The following HEATR5A variants were observed in gnomAD, a reference collection of about 807,000 sequenced individuals.
The protein encoded by HEATR5A is HEAT repeat-containing protein 5A.
In HEATR5A, 178 loss-of-function variants were observed where a neutral mutation model predicts 218.8. The observed-to-expected ratio is 0.81, with a 90% CI of 0.72 to 0.92. HEATR5A has a LOEUF of 0.92. HEATR5A is among the 40% of genes least tolerant of loss of function. The pLI, the probability that HEATR5A is intolerant of heterozygous loss-of-function variation, is 0.00. For missense variants in HEATR5A, 2,420 were observed against 2,418.9 expected (o/e 1.00, Z -0.01); for synonymous variants, 864 against 871.6 (o/e 0.99, Z 0.15).
Position 31,409,289 on chromosome 14 carries a change from C to T in HEATR5A, c.-74-6240G>A, listed in dbSNP as rs370572468. ...TCTTGAACTCCTGACCTCAGGTGAT[C>T]CAACCGCCTCGGCATCCCAAAGTGC... On this transcript the variant is annotated intron_variant, in intron 1 of 35. Coordinates refer to ENST00000543095, the MANE Select transcript of HEATR5A (RefSeq NM_015473.4). Among the ~76,000 whole-genome samples the T allele has an allele frequency of 4.6e-5, 7 of 150,842 alleles. No individual in the cohort carries two copies. In the East Asian group the frequency reaches 8.4e-4, roughly 18 times the overall value.
At chr14:31,412,483 C>T (rs1179530376) in intron 1 of HEATR5A, among the ~76,000 whole-genome samples, 6 of 146,528 alleles carry the variant, frequency 4.1e-5, no homozygotes, top group Non-Finnish European at 8.9e-5. Flanking sequence ...GTCCCAGCTA[C>T]TCGGGAGCCT....
At chr14:31,309,261 C>A in intron 28 of HEATR5A, 79 bp from the exon 29 acceptor site, 1 of 1,482,136 alleles carries the variant, frequency 6.7e-7, no homozygotes, top group South Asian at 1.3e-5. Context: ...AGATATAGAC[C>A]ATTTCCATCA....
intron 29 of HEATR5A, 137 bp downstream of exon 29, chr14:31,308,797 A>G (rs1899639082): frequency 4.7e-6 from 3 of 641,366 alleles, no homozygotes. Flanking sequence ...TTTTATTTTC[A>G]GTTGACAATA....
chr14:31,297,342 T>C (rs1246790245), intron 33 of HEATR5A: 1 of 152,150 alleles, frequency 6.6e-6, no homozygotes, highest in Non-Finnish European at 1.5e-5. Flanking sequence ...CAGTGGTGTG[T>C]GTCTATAGTC....
At chr14:31,341,573 A>AT (rs1900841093) in intron 21 of HEATR5A, among the ~76,000 whole-genome samples, 1 of 151,904 alleles carries the variant, frequency 6.6e-6, no homozygotes, top group Non-Finnish European at 1.5e-5. Context: ...TTTTCTTAAA[A>AT]TTTTTTGTAG....
At chr14:31,369,699 G>T (rs933144652) in intron 13 of HEATR5A, among the ~76,000 whole-genome samples, 1 of 150,108 alleles carries the variant, frequency 6.7e-6, no homozygotes, top group African/African-American at 2.5e-5. Context: ...AGGCCGAGGT[G>T]GGTTTATCAC....
intron 10 of HEATR5A, among the ~76,000 whole-genome samples, chr14:31,380,935 A>G (rs2029953102): frequency 6.6e-6 from 1 of 152,184 alleles, no homozygotes; most frequent in East Asian, 1.9e-4. Flanking sequence ...AAGTTTTCTT[A>G]CAGGAGTCTC....
At position 31,336,150 on chromosome 14, in the gene HEATR5A, A is replaced by G. The variant is rs185475549; in HGVS notation, c.3367+1326T>C. Among the ~76,000 whole-genome samples the G allele has an allele frequency of 5.0e-3, 728 of 146,806 alleles. 5 individuals are homozygous for G. Among genetic ancestry groups the G allele is most frequent in the Middle Eastern group, 7.2e-3 (2 of 278 alleles). On this transcript the variant is annotated intron_variant, in intron 22 of 35. Transcript: ENST00000543095. Reference sequence around the variant, plus strand: ...TGTACCATGACACCTGGCTAATTTTAAAATTTTTTGTAGAGATGGGGTCAT... The same window carrying G: ...TGTACCATGACACCTGGCTAATTTTGAAATTTTTTGTAGAGATGGGGTCAT...
At chr14:31,372,554 C>T (rs371738266) in intron 12 of HEATR5A, among the ~76,000 whole-genome samples, 29 of 152,170 alleles carry the variant, frequency 1.9e-4, no homozygotes, top group African/African-American at 6.0e-4. Context: ...CTGGGCCAGG[C>T]GCAGTGGCTC....
intron 1 of HEATR5A, among the ~76,000 whole-genome samples, chr14:31,419,255 T>C (rs554876269): frequency 1.3e-5 from 2 of 152,216 alleles, no homozygotes; most frequent in Admixed American, 1.3e-4. Flanking sequence ...ATTCTTATAT[T>C]ATAAATCCTG....
Position 31,294,041 on chromosome 14 carries a change from AG to A in HEATR5A, c.5682del (p.Tyr1895ThrfsTer7). 6.2e-7 allele frequency: 1 copy of A among 1,604,188 alleles called. No individual in the cohort carries two copies. The highest frequency in any genetic ancestry group is 8.5e-7 in the Non-Finnish European group (1 of 1,175,050). On this transcript the variant is annotated frameshift_variant, in exon 35 of 36. Transcript: ENST00000543095. LOFTEE classifies it high-confidence loss of function. ...SIFQYPNPAV[S>X]YPYIYSLASC... ...GATGCTAAAGAGTAAATGTATGGGT[AG>A]GAAACAGCTGGATTTGGATACTGAA...
At chr14:31,327,286 C>CTTTTTTTTTTT (rs71951930) in intron 22 of HEATR5A, among the ~76,000 whole-genome samples, 1 of 45,158 alleles carries the variant, frequency 2.2e-5, no homozygotes, top group Admixed American at 3.7e-4. Context: ...TCCAGTGGCA[C>CTTTTTTTTTTT]TTTTTTTTTT....
At chr14:31,341,981 A>G (rs1305866257) in intron 21 of HEATR5A, among the ~76,000 whole-genome samples, 2 of 152,216 alleles carry the variant, frequency 1.3e-5, no homozygotes, top group Admixed American at 1.3e-4. Flanking sequence ...TGAATGGTAC[A>G]GGTAAAATCC....
chr14:31,336,571 A>G lies in HEATR5A; in HGVS notation c.3367+905T>C, dbSNP rs527322452. On this transcript the variant is annotated intron_variant, in intron 22 of 35. Coordinates refer to ENST00000543095, the MANE Select transcript of HEATR5A (RefSeq NM_015473.4). ...TTATTCATATCATAGTTTTAAAATG[A>G]AGTGATATACACTTAAATCTTACTG... is the stretch of plus-strand genomic sequence containing the variant. Among the ~76,000 whole-genome samples, 4 of 138,278 alleles carry G rather than the reference A, an allele frequency of 2.9e-5. No homozygotes were observed. In the South Asian group the frequency reaches 9.8e-4, roughly 34 times the overall value. 90.7% of individuals were successfully genotyped at this position (138,278 alleles called of 152,430 possible).
intron 34 of HEATR5A, 122 bp from the exon 35 acceptor site, chr14:31,294,226 T>G (rs1311263571): frequency 4.3e-6 from 3 of 696,262 alleles, no homozygotes. Context: ...GTGTTTAATT[T>G]TGAAAGTCCA....
intron 14 of HEATR5A, among the ~76,000 whole-genome samples, chr14:31,363,480 A>G (rs897075556): frequency 6.6e-6 from 1 of 152,196 alleles, no homozygotes; most frequent in African/African-American, 2.4e-5. Flanking sequence ...TAGAAAAGGC[A>G]GCAGCACAGC....
At chr14:31,413,168 T>G (rs2031338271) in intron 1 of HEATR5A, among the ~76,000 whole-genome samples, 5 of 152,112 alleles carry the variant, frequency 3.3e-5, no homozygotes, top group Admixed American at 3.3e-4. Context: ...GGAAGAATGT[T>G]GCCGCTCACC....
intron 12 of HEATR5A, among the ~76,000 whole-genome samples, chr14:31,374,240 A>G (rs80109019): frequency 0.034 from 5,046 of 150,280 alleles, 122 homozygotes; most frequent in Middle Eastern, 0.065. Flanking sequence ...GCAGGCCAAG[A>G]CTGCAGTGAG....
chr14:31,390,840 A>G (rs4981095), intron 6 of HEATR5A, among the ~76,000 whole-genome samples: 150,960 of 152,312 alleles, frequency 0.99, 74,820 homozygotes, highest in Middle Eastern at 1. Flanking sequence ...TTATTTTAAA[A>G]TATACTCTTA....
Sources: gnomAD v4.1 joint callset for allele counts (sites outside exome capture counted in the v4.1 genomes callset) on GRCh38, gnomAD v4.1.1 for gene constraint, MANE v1.5 for transcripts, NCBI Gene and HGNC (gene_info 2026-07-23, HGNC 2026-07-21) for gene names.